PRDM16: variants seen among roughly 807,000 people sequenced by gnomAD.
The protein encoded by PRDM16 is PR/SET domain 16.
In PRDM16, 23 loss-of-function variants were observed where a neutral mutation model predicts 110.6. The observed-to-expected ratio is 0.21, with a 90% CI of 0.15 to 0.29. The LOEUF (loss-of-function observed/expected upper bound fraction) is 0.29. PRDM16 is among the 10% of genes least tolerant of loss of function. The probability of loss-of-function intolerance (pLI) is 1.00; values close to 1 mark genes in which losing one functional copy is unlikely to be tolerated. For missense variants in PRDM16, 1,615 were observed against 1,794.3 expected (o/e 0.90, Z 1.81); for synonymous variants, 799 against 781.8 (o/e 1.02, Z -0.37).
intron 2 of PRDM16, among the ~76,000 whole-genome samples, chr1:3,214,984 C>T (rs574961339): frequency 1.3e-4 from 20 of 152,266 alleles, no homozygotes; most frequent in Admixed American, 7.8e-4. Context: ...AGGTCAATGC[C>T]GCAGACCTGA....
intron 14 of PRDM16, among the ~76,000 whole-genome samples, chr1:3,429,418 G>A (rs1387697965): frequency 6.6e-6 from 1 of 152,254 alleles, no homozygotes; most frequent in Non-Finnish European, 1.5e-5. Context: ...CCCAGCTGGT[G>A]GGAAGCCCAT....
intron 3 of PRDM16, among the ~76,000 whole-genome samples, chr1:3,262,788 C>T (rs1320372877): frequency 1.3e-5 from 2 of 152,190 alleles, no homozygotes; most frequent in African/African-American, 4.8e-5. Flanking sequence ...GGGACGACAC[C>T]TGCGGGGTGC....
chr1:3,362,136 C>T (rs1262840180), intron 3 of PRDM16, among the ~76,000 whole-genome samples: 1 of 152,224 alleles, frequency 6.6e-6, no homozygotes, highest in Admixed American at 6.5e-5. Flanking sequence ...CCGAGGCAGA[C>T]ATTTCTCCAA....
chr1:3,364,960 C>G (rs1006682680), intron 3 of PRDM16, among the ~76,000 whole-genome samples: 3 of 152,224 alleles, frequency 2.0e-5, no homozygotes, highest in African/African-American at 7.2e-5. Flanking sequence ...CTCGTGCAGC[C>G]TGGGAAAGCC....
At position 3,069,313 on chromosome 1, in the gene PRDM16, C is replaced by T. The variant is rs1323632726; in HGVS notation, c.37+17C>T. The T allele has an allele frequency of 3.7e-6, 5 of 1,345,462 alleles. No individual in the cohort carries two copies. The highest frequency in any genetic ancestry group is 1.5e-5 in the African/African-American group (1 of 64,918). 83.3% of individuals were successfully genotyped at this position (1,345,462 alleles called of 1,614,324 possible). ...TAGCCAAAAGTAAGTCTCCCGCGCT[C>T]GGCCGCGCCGCGCCGCCGGGGCCCG... On this transcript the variant is annotated intron_variant, in intron 1 of 16. Transcript: ENST00000270722. The surrounding 1 kb of genome is among the most constrained non-coding windows in gnomAD (Gnocchi z 6.1).
At chr1:3,140,565 C>G (rs771417208) in intron 1 of PRDM16, among the ~76,000 whole-genome samples, 1 of 152,230 alleles carries the variant, frequency 6.6e-6, no homozygotes, top group Non-Finnish European at 1.5e-5. Flanking sequence ...CACGTTGGCT[C>G]TCTAACTCAG....
chr1:3,364,842 C>T lies in PRDM16; in HGVS notation c.439-20310C>T, dbSNP rs1340001104. On this transcript the variant is annotated intron_variant, in intron 3 of 16. Transcript: ENST00000270722. ...CAGGACACGTTGCTTCGGAAGGAAG[C>T]AGCATGTTTTCGGGGACCCTGTGGT... Among the ~76,000 whole-genome samples the T allele has an allele frequency of 3.3e-5, 5 of 152,352 alleles. No individual in the cohort carries two copies. The East Asian group carries it at 9.7e-4, about 29-fold the overall frequency.
At chr1:3,145,716 T>A (rs1643635621) in intron 1 of PRDM16, among the ~76,000 whole-genome samples, 1 of 152,202 alleles carries the variant, frequency 6.6e-6, no homozygotes, top group African/African-American at 2.4e-5. Context: ...TCCACCCCTG[T>A]AGAAAGCGCT....
intron 1 of PRDM16, among the ~76,000 whole-genome samples, chr1:3,113,108 G>A (rs2100643521): frequency 6.6e-6 from 1 of 152,378 alleles, no homozygotes; most frequent in African/African-American, 2.4e-5. Context: ...TTGTGGAGGG[G>A]GCTGTGGCCT....
Position 3,208,319 on chromosome 1 carries a change from C to G in PRDM16, c.387+21845C>G, listed in dbSNP as rs1214649029. ...TGCGGGCAGCGATTCTCTGGCCCTG[C>G]ACTGTAGGGTGTTTAGTGTGCCCGA... On this transcript the variant is annotated intron_variant, in intron 2 of 16. Transcript: ENST00000270722. The surrounding 1 kb of genome is among the most constrained non-coding windows in gnomAD (Gnocchi z 6.1). The G allele has an allele frequency of 6.6e-6, 1 of 152,182 alleles. No homozygotes were observed. Among genetic ancestry groups the G allele is most frequent in the Non-Finnish European group, 1.5e-5 (1 of 68,054 alleles). The allele number at this position is 152,182 out of a possible 1,614,324, so 9.4% of individuals were successfully genotyped here. A position where few individuals can be genotyped will look rare whatever the true frequency, so the allele number is the denominator to read the frequency against.
chr1:3,070,085 C>A (rs1641711168), intron 1 of PRDM16, among the ~76,000 whole-genome samples: 1 of 151,952 alleles, frequency 6.6e-6, no homozygotes, highest in Admixed American at 6.6e-5. Context: ...GGGACCCACC[C>A]GGCCACCTCC....
intron 9 of PRDM16, among the ~76,000 whole-genome samples, chr1:3,413,290 A>T (rs1312746281): frequency 6.6e-6 from 1 of 151,510 alleles, no homozygotes; most frequent in Non-Finnish European, 1.5e-5. Context: ...GGCAGGGGGA[A>T]TGGGGAGGGG....
At position 3,245,768 on chromosome 1, in the gene PRDM16, G is replaced by C. The variant is rs1639777279; in HGVS notation, c.438+1631G>C. 6.6e-6 allele frequency among the ~76,000 whole-genome samples: 1 copy of C among 151,976 alleles called. No individual in the cohort carries two copies. The highest frequency in any genetic ancestry group is 2.4e-5 in the African/African-American group (1 of 41,362). ...AAAGGACATAGAGGAGCAGGAAACAGTTAGCAGCGCTGCTGTATTTCCGAG... is the reference window on the plus strand; with the variant it reads ...AAAGGACATAGAGGAGCAGGAAACACTTAGCAGCGCTGCTGTATTTCCGAG... On this transcript the variant is annotated intron_variant, in intron 3 of 16. Coordinates refer to ENST00000270722, the MANE Select transcript of PRDM16 (RefSeq NM_022114.4). The surrounding 1 kb of genome is among the most constrained non-coding windows in gnomAD (Gnocchi z 4.7).
intron 1 of PRDM16, among the ~76,000 whole-genome samples, chr1:3,169,856 G>A (rs1252726984): frequency 3.3e-5 from 5 of 152,336 alleles, no homozygotes; most frequent in South Asian, 2.1e-4. Context: ...GGTCAGCGGC[G>A]AGCTAACGCC....
At chr1:3,181,551 C>CA (rs1557509594) in intron 1 of PRDM16, among the ~76,000 whole-genome samples, 27 of 2,074 alleles carry the variant, frequency 0.013, no homozygotes, top group African/African-American at 0.033. Flanking sequence ...GTCTTACACA[C>CA]GCAGTCTTAC....
intron 2 of PRDM16, among the ~76,000 whole-genome samples, chr1:3,235,136 G>A (rs1639509024): frequency 6.6e-6 from 1 of 152,246 alleles, no homozygotes; most frequent in Non-Finnish European, 1.5e-5. Flanking sequence ...CCTGCCTGCA[G>A]GTCCTGGGGC....
In PRDM16 at chr1:3,324,409, T is replaced by C. The variant is rs74048244; in HGVS notation, c.439-60743T>C. ...AAACCCTATAGCCACTCCCAGACAATCTCTCCACACTCCCCGCGATGCTCC... is the reference window on the plus strand; with the variant it reads ...AAACCCTATAGCCACTCCCAGACAACCTCTCCACACTCCCCGCGATGCTCC... On this transcript the variant is annotated intron_variant, in intron 3 of 16. Transcript: ENST00000270722. 1.0e-2 allele frequency among the ~76,000 whole-genome samples: 1,519 copies of C among 152,052 alleles called. 20 individuals carry two copies. Among genetic ancestry groups the C allele is most frequent in the African/African-American group, 0.035 (1,439 of 41,464 alleles).
chr1:3,144,022 C>G (rs1307485341), intron 1 of PRDM16, among the ~76,000 whole-genome samples: 1 of 152,218 alleles, frequency 6.6e-6, no homozygotes, highest in Non-Finnish European at 1.5e-5. Flanking sequence ...GGCCACCTGG[C>G]CTCTCGCCGC....
At chr1:3,229,752 G>A (rs1639364724) in intron 2 of PRDM16, among the ~76,000 whole-genome samples, 1 of 152,184 alleles carries the variant, frequency 6.6e-6, no homozygotes. Flanking sequence ...AAGAAGGGAG[G>A]CGAGCAGGTG....
Sources: allele counts gnomAD v4.1 joint callset (sites outside exome capture counted in the v4.1 genomes callset), GRCh38; gene constraint gnomAD v4.1.1; non-coding constraint Gnocchi (gnomAD v3.1); transcripts MANE v1.5; gene names NCBI Gene and HGNC (gene_info 2026-07-23, HGNC 2026-07-21).